Variants in CRISPLD2 observed in about 807,000 individuals in gnomAD.
CRISPLD2 encodes the protein cysteine-rich secretory protein LCCL domain-containing 2.
A neutral mutation model predicts 71.1 loss-of-function variants in CRISPLD2; 47 were observed. The ratio of observed to expected loss-of-function variants is 0.66; its 90% CI spans 0.52 to 0.84. CRISPLD2 has a LOEUF of 0.84. Ranked by LOEUF, CRISPLD2 falls within the 40% of genes least tolerant of loss-of-function variation. The pLI, the probability that CRISPLD2 is intolerant of heterozygous loss-of-function variation, is 0.00. For missense variants in CRISPLD2, 830 were observed against 651.1 expected (o/e 1.27, Z -2.99); for synonymous variants, 317 against 250.1 (o/e 1.27, Z -2.52).
At chr16:84,825,314 A>G (rs2143132319) in intron 1 of CRISPLD2, among the ~76,000 whole-genome samples, 1 of 152,194 alleles carries the variant, frequency 6.6e-6, no homozygotes, top group East Asian at 1.9e-4. Flanking sequence ...TGTAACCTTA[A>G]CACTTTGGGA....
chr16:84,891,445 A>C (rs935601152), intron 14 of CRISPLD2, among the ~76,000 whole-genome samples: 5 of 152,190 alleles, frequency 3.3e-5, no homozygotes, highest in African/African-American at 1.2e-4. Flanking sequence ...GAAGAGCCCA[A>C]GTAGACAGCT....
At position 84,899,112 on chromosome 16, in the gene CRISPLD2, A is replaced by G. The variant is rs139187889; in HGVS notation, c.1440-7476A>G. On this transcript the variant is annotated intron_variant, in intron 14 of 14. Transcript: ENST00000262424. ...CACTGTGTCACCCAGGCTGATCTCA[A>G]ACTCCTGGGTTCAAGCAATCGCCTA... Among the ~76,000 whole-genome samples, 146 of 152,090 alleles carry G rather than the reference A, an allele frequency of 9.6e-4. 2 individuals carry two copies. Among genetic ancestry groups the G allele is most frequent in the African/African-American group, 3.4e-3 (141 of 41,480 alleles).
intron 14 of CRISPLD2, among the ~76,000 whole-genome samples, chr16:84,890,867 A>G (rs924473775): frequency 6.6e-6 from 1 of 152,180 alleles, no homozygotes; most frequent in South Asian, 2.1e-4. Flanking sequence ...CCTGAGTGTC[A>G]TTCAGAAAGG....
chr16:84,849,324 CT>C (rs1917010610), intron 3 of CRISPLD2, 60 bp from the exon 4 acceptor site: 2 of 1,506,212 alleles, frequency 1.3e-6, no homozygotes, highest in South Asian at 2.5e-5. Context: ...GTGGCTGCTG[CT>C]GTCTCCACTG....
chr16:84,849,092 T>G, intron 3 of CRISPLD2: 5 of 298,874 alleles, frequency 1.7e-5, no homozygotes, highest in Non-Finnish European at 1.3e-5. Context: ...AGACCCCAGG[T>G]GAGCTCCTCA....
intron 11 of CRISPLD2, 32 bp from the exon 12 acceptor site, chr16:84,877,406 C>A (rs781143993): frequency 8.1e-6 from 13 of 1,608,016 alleles, no homozygotes; most frequent in African/African-American, 1.3e-5. Flanking sequence ...CGTGCTGGGA[C>A]CTGACCCTTT....
intron 14 of CRISPLD2, among the ~76,000 whole-genome samples, chr16:84,893,209 C>T (rs1309958792): frequency 6.6e-6 from 1 of 152,192 alleles, no homozygotes; most frequent in African/African-American, 2.4e-5. Flanking sequence ...TGGGCCTTGG[C>T]AGCTCCTCTC....
At chr16:84,875,810 C>T (rs951387953) in intron 11 of CRISPLD2, among the ~76,000 whole-genome samples, 13 of 151,694 alleles carry the variant, frequency 8.6e-5, no homozygotes, top group African/African-American at 2.9e-4. Flanking sequence ...AGGTGATCCA[C>T]CCGCCTGGGC....
chr16:84,905,268 AT>A (rs2071791034), intron 14 of CRISPLD2, among the ~76,000 whole-genome samples: 1 of 152,222 alleles, frequency 6.6e-6, no homozygotes, highest in South Asian at 2.1e-4. Context: ...GTCTAAAACA[AT>A]TTTTAAAAAT....
intron 1 of CRISPLD2, chr16:84,829,217 A>G (rs1014846373): frequency 2.6e-5 from 4 of 152,412 alleles, no homozygotes; most frequent in Non-Finnish European, 5.9e-5. Flanking sequence ...TGCAGGCAGC[A>G]GCTAGGGAAG....
intron 13 of CRISPLD2, among the ~76,000 whole-genome samples, chr16:84,885,213 C>CT (rs1375057572): frequency 1.3e-5 from 2 of 152,196 alleles, no homozygotes; most frequent in Non-Finnish European, 2.9e-5. Flanking sequence ...AGGCTTCCGC[C>CT]TGCCGGAAAG....
chr16:84,844,685 C>G (rs1025705828), intron 2 of CRISPLD2, among the ~76,000 whole-genome samples: 1 of 152,114 alleles, frequency 6.6e-6, no homozygotes, highest in African/African-American at 2.4e-5. Flanking sequence ...TTTCTATCTT[C>G]CAACTGAAAT....
rs147763317 is a variant in CRISPLD2 at position 84,894,999 on chromosome 16, C to T, written c.1439+5636C>T. On this transcript the variant is annotated intron_variant, in intron 14 of 14. Coordinates refer to ENST00000262424, the MANE Select transcript of CRISPLD2 (RefSeq NM_031476.4). ...CTGCACTCTCCCCCAAGCCAGGCTG[C>T]CCCGAGGCTGGGACATGAGGTTCTC... Among the ~76,000 whole-genome samples the T allele has an allele frequency of 5.9e-5, 9 of 152,292 alleles. No homozygotes were observed. The East Asian group carries it at 1.3e-3, about 23-fold the overall frequency.
intron 2 of CRISPLD2, among the ~76,000 whole-genome samples, chr16:84,840,511 G>C (rs1016307516): frequency 6.6e-6 from 1 of 152,034 alleles, no homozygotes; most frequent in African/African-American, 2.4e-5. Context: ...GTTTCTGTTT[G>C]TTTGTTTGTT....
intron 14 of CRISPLD2, 76 bp downstream of exon 14, chr16:84,889,439 C>T (rs1374109361): frequency 1.4e-6 from 2 of 1,481,192 alleles, no homozygotes; most frequent in East Asian, 2.4e-5. Context: ...GGAAGAGGCC[C>T]AGAGTCATTA....
chr16:84,820,974 C>T (rs754085431), intron 1 of CRISPLD2, among the ~76,000 whole-genome samples: 1 of 152,210 alleles, frequency 6.6e-6, no homozygotes, highest in Non-Finnish European at 1.5e-5. Context: ...GGCTGGTGGA[C>T]AAGCCAGGGA....
At chr16:84,899,037 C>G (rs1017128554) in intron 14 of CRISPLD2, among the ~76,000 whole-genome samples, 2 of 152,096 alleles carry the variant, frequency 1.3e-5, no homozygotes, top group Non-Finnish European at 2.9e-5. Flanking sequence ...GGACCACAGG[C>G]GTGCACCACC....
chr16:84,842,800 C>T (rs534904970), intron 2 of CRISPLD2, among the ~76,000 whole-genome samples: 79 of 152,252 alleles, frequency 5.2e-4, no homozygotes, highest in South Asian at 2.1e-3. Context: ...CCATTGAATC[C>T]GCGCATCCCT....
intron 13 of CRISPLD2, among the ~76,000 whole-genome samples, chr16:84,884,070 C>T (rs1036926365): frequency 4.6e-5 from 7 of 152,148 alleles, no homozygotes; most frequent in African/African-American, 1.4e-4. Flanking sequence ...GTCTCGAACT[C>T]CTGACCTCAA....
Sources: allele counts gnomAD v4.1 joint callset (sites outside exome capture counted in the v4.1 genomes callset), GRCh38; gene constraint gnomAD v4.1.1; transcripts MANE v1.5; gene names NCBI Gene and HGNC (gene_info 2026-07-23, HGNC 2026-07-21).